The following CNTNAP2 variants were observed in gnomAD, a reference collection of about 807,000 sequenced individuals.
The protein encoded by CNTNAP2 is contactin associated protein 2.
A neutral mutation model predicts 155.2 loss-of-function variants in CNTNAP2; 98 were observed. The observed-to-expected ratio is 0.63, with a 90% CI of 0.54 to 0.75. CNTNAP2 has a LOEUF of 0.75. Among genes scored for constraint, CNTNAP2 ranks in the 30% least tolerant of loss-of-function variants. CNTNAP2 has a pLI of 0.00. For missense variants in CNTNAP2, 1,727 were observed against 1,688.1 expected (o/e 1.02, Z -0.40); for synonymous variants, 651 against 631.2 (o/e 1.03, Z -0.47).
intron 1 of CNTNAP2, among the ~76,000 whole-genome samples, chr7:146,537,403 T>C (rs547846174): frequency 6.6e-6 from 1 of 152,226 alleles, no homozygotes; most frequent in South Asian, 2.1e-4. Context: ...TCTGGCAACA[T>C]CCTTATTTAC....
intron 12 of CNTNAP2, among the ~76,000 whole-genome samples, chr7:147,587,369 C>T (rs1344636382): frequency 2.0e-5 from 3 of 152,126 alleles, no homozygotes; most frequent in Non-Finnish European, 4.4e-5. Context: ...GTTGGTGAGC[C>T]TTCCTCTGTG....
chr7:146,635,708 T>G lies in CNTNAP2; in HGVS notation c.98-138563T>G, dbSNP rs1029540113. 6.6e-5 allele frequency among the ~76,000 whole-genome samples: 10 copies of G among 152,078 alleles called. 1 individual carries two copies. In the East Asian group the frequency reaches 1.5e-3, roughly 24 times the overall value. ...CAGGAATTGTTAGTAATTGCTGTGTTTGTTTGGTGAAGTGGATGATATAAG... is the reference window on the plus strand; with the variant it reads ...CAGGAATTGTTAGTAATTGCTGTGTGTGTTTGGTGAAGTGGATGATATAAG... On this transcript the variant is annotated intron_variant, in intron 1 of 23. Coordinates refer to ENST00000361727, the MANE Select transcript of CNTNAP2 (RefSeq NM_014141.6).
chr7:146,402,954 ATTAT>A (rs1380585135), intron 1 of CNTNAP2, among the ~76,000 whole-genome samples: 29 of 152,202 alleles, frequency 1.9e-4, no homozygotes, highest in African/African-American at 6.7e-4. Context: ...TATTAAAGTA[ATTAT>A]TTATTATTTG....
intron 1 of CNTNAP2, among the ~76,000 whole-genome samples, chr7:146,295,534 A>C (rs1357963598): frequency 6.6e-6 from 1 of 152,212 alleles, no homozygotes; most frequent in Non-Finnish European, 1.5e-5. Flanking sequence ...ATTAAAATCT[A>C]AAATATGTGA....
At chr7:146,329,975 C>T (rs947530422) in intron 1 of CNTNAP2, among the ~76,000 whole-genome samples, 9 of 132,450 alleles carry the variant, frequency 6.8e-5, no homozygotes, top group African/African-American at 2.4e-4. Context: ...ATATTTTCTT[C>T]GTTAAAAATC....
At chr7:147,460,207 G>T (rs1240428338) in intron 10 of CNTNAP2, among the ~76,000 whole-genome samples, 3 of 151,984 alleles carry the variant, frequency 2.0e-5, no homozygotes, top group Non-Finnish European at 2.9e-5. Context: ...CATTTCATCT[G>T]CCAAAAGAAA....
chr7:146,121,356 T>G (rs554279283), intron 1 of CNTNAP2, among the ~76,000 whole-genome samples: 1 of 152,176 alleles, frequency 6.6e-6, no homozygotes, highest in Non-Finnish European at 1.5e-5. Context: ...TGTCTACACA[T>G]GTCATCTGTT....
intron 9 of CNTNAP2, among the ~76,000 whole-genome samples, chr7:147,321,519 C>T (rs1162335640): frequency 3.3e-5 from 5 of 152,094 alleles, no homozygotes; most frequent in African/African-American, 4.8e-5. Context: ...AAGAAGAAAG[C>T]ACCTTCTACT....
intron 20 of CNTNAP2, among the ~76,000 whole-genome samples, chr7:148,258,057 G>A (rs544843853): frequency 1.3e-5 from 2 of 152,154 alleles, no homozygotes; most frequent in Non-Finnish European, 2.9e-5. Flanking sequence ...CATGTGGATC[G>A]TAAATTAACT....
At chr7:148,314,902 A>G (rs1457443755) in intron 21 of CNTNAP2, among the ~76,000 whole-genome samples, 1 of 152,178 alleles carries the variant, frequency 6.6e-6, no homozygotes, top group Admixed American at 6.5e-5. Flanking sequence ...TTTTGGGTCC[A>G]CAGATAAAAC....
intron 14 of CNTNAP2, among the ~76,000 whole-genome samples, chr7:147,962,592 G>A (rs552044056): frequency 6.6e-6 from 1 of 152,298 alleles, no homozygotes; most frequent in Non-Finnish European, 1.5e-5. Context: ...AAAGGGAAGT[G>A]ATAATGATAA....
intron 11 of CNTNAP2, among the ~76,000 whole-genome samples, chr7:147,487,539 G>A (rs1187015565): frequency 6.6e-6 from 1 of 152,140 alleles, no homozygotes; most frequent in African/African-American, 2.4e-5. Flanking sequence ...AATTACACGG[G>A]ATCTTGTTCC....
intron 21 of CNTNAP2, among the ~76,000 whole-genome samples, chr7:148,346,992 C>G (rs1162775047): frequency 2.0e-5 from 3 of 151,918 alleles, no homozygotes; most frequent in Non-Finnish European, 2.9e-5. Flanking sequence ...CGCAGTGGCT[C>G]ACGCCTGTAA....
At chr7:147,915,396 G>A (rs751360116) in intron 14 of CNTNAP2, among the ~76,000 whole-genome samples, 44 of 152,226 alleles carry the variant, frequency 2.9e-4, no homozygotes, top group South Asian at 6.2e-4. Context: ...AATCCTTCTG[G>A]GGAACAATCA....
At chr7:147,575,317 ATATG>A (rs1800372779) in intron 12 of CNTNAP2, among the ~76,000 whole-genome samples, 1 of 64,786 alleles carries the variant, frequency 1.5e-5, no homozygotes, top group Non-Finnish European at 2.8e-5. Context: ...AGGGGTATAT[ATATG>A]TGTGTGTGTG....
chr7:146,270,682 C>T (rs865817992), intron 1 of CNTNAP2, among the ~76,000 whole-genome samples: 1 of 152,030 alleles, frequency 6.6e-6, no homozygotes, highest in Non-Finnish European at 1.5e-5. Flanking sequence ...CAAAGATTAT[C>T]TACCACTTTA....
intron 13 of CNTNAP2, among the ~76,000 whole-genome samples, chr7:147,828,112 G>GA (rs1798489393): frequency 6.6e-6 from 1 of 152,188 alleles, no homozygotes; most frequent in African/African-American, 2.4e-5. Context: ...AGAAATGGGT[G>GA]AATGTAGTAT....
chr7:146,387,731 C>G (rs1795480781), intron 1 of CNTNAP2, among the ~76,000 whole-genome samples: 1 of 151,996 alleles, frequency 6.6e-6, no homozygotes, highest in Non-Finnish European at 1.5e-5. Context: ...CTGTTTTATT[C>G]CTCATTTTGG....
intron 9 of CNTNAP2, 115 bp downstream of exon 9, chr7:147,300,405 CA>C: frequency 1.1e-5 from 9 of 843,976 alleles, no homozygotes; most frequent in Non-Finnish European, 1.5e-5. Context: ...GATCTCATGA[CA>C]AAACAAACTG....
Sources: allele counts gnomAD v4.1 joint callset (sites outside exome capture counted in the v4.1 genomes callset), GRCh38; gene constraint gnomAD v4.1.1; transcripts MANE v1.5; gene names NCBI Gene and HGNC (gene_info 2026-07-23, HGNC 2026-07-21).